Variants in TNNI3K observed in about 807,000 individuals in gnomAD.
The protein encoded by TNNI3K is serine/threonine-protein kinase TNNI3K.
A neutral mutation model predicts 114.5 loss-of-function variants in TNNI3K; 140 were observed. That is an observed-to-expected ratio of 1.22 (90% CI 1.07 to 1.41). TNNI3K has a LOEUF of 1.41. TNNI3K is among the 40% of genes most tolerant of loss of function. TNNI3K has a pLI of 0.00. For missense variants in TNNI3K, 1,125 were observed against 1,007.6 expected (o/e 1.12, Z -1.58); for synonymous variants, 347 against 347.5 (o/e 1.00, Z 0.02).
intron 5 of TNNI3K, among the ~76,000 whole-genome samples, chr1:74,322,769 T>G (rs1490157303): frequency 1.3e-5 from 2 of 152,094 alleles, no homozygotes; most frequent in Non-Finnish European, 2.9e-5. Context: ...ACCATCTTAA[T>G]ATATCTGAAA....
At chr1:74,325,943 C>T (rs544758029) in intron 5 of TNNI3K, among the ~76,000 whole-genome samples, 1 of 152,206 alleles carries the variant, frequency 6.6e-6, no homozygotes, top group South Asian at 2.1e-4. Flanking sequence ...GATTTTTCCA[C>T]TAAATGGAAA....
chr1:74,366,418 T>G (rs1031093712), intron 11 of TNNI3K, among the ~76,000 whole-genome samples: 1 of 152,026 alleles, frequency 6.6e-6, no homozygotes, highest in Non-Finnish European at 1.5e-5. Flanking sequence ...GCCCCTAGTG[T>G]AACTAGTAAA....
chr1:74,240,903 G>A (rs1037329470), intron 2 of TNNI3K: 1 of 151,620 alleles, frequency 6.6e-6, no homozygotes, highest in Non-Finnish European at 1.5e-5. Context: ...TTTAACATTA[G>A]GTATATCTCC....
At chr1:74,453,524 G>A (rs796600943) in intron 20 of TNNI3K, among the ~76,000 whole-genome samples, 12 of 152,176 alleles carry the variant, frequency 7.9e-5, no homozygotes, top group African/African-American at 2.9e-4. Flanking sequence ...GCATTATACA[G>A]GACTCATCCT....
At chr1:74,322,044 C>T (rs545709826) in intron 5 of TNNI3K, among the ~76,000 whole-genome samples, 16 of 152,244 alleles carry the variant, frequency 1.1e-4, no homozygotes, top group South Asian at 4.1e-4. Flanking sequence ...GGCGTGGTAA[C>T]TCTAAAGCAA....
At chr1:74,420,001 G>A (rs1157471133) in intron 17 of TNNI3K, among the ~76,000 whole-genome samples, 2 of 152,058 alleles carry the variant, frequency 1.3e-5, no homozygotes, top group Admixed American at 6.6e-5. Context: ...GATCTGAGGA[G>A]AGAATACATT....
At chr1:74,384,139 T>C (rs1408970718) in intron 17 of TNNI3K, among the ~76,000 whole-genome samples, 2 of 152,172 alleles carry the variant, frequency 1.3e-5, no homozygotes, top group African/African-American at 2.4e-5. Context: ...AGCTGTACTT[T>C]CTAGAATTCA....
At chr1:74,538,379 A>C (rs914044780) in intron 23 of TNNI3K, among the ~76,000 whole-genome samples, 2 of 152,100 alleles carry the variant, frequency 1.3e-5, no homozygotes, top group Non-Finnish European at 2.9e-5. Flanking sequence ...ATGTCATTTA[A>C]GGATCTATTA....
chr1:74,266,914 G>A (rs541792700), intron 4 of TNNI3K, among the ~76,000 whole-genome samples: 42 of 151,980 alleles, frequency 2.8e-4, no homozygotes, highest in South Asian at 2.3e-3. Flanking sequence ...TAGCTGGAGC[G>A]CTTTTTTGTC....
At chr1:74,503,378 A>T (rs1669732041) in intron 23 of TNNI3K, among the ~76,000 whole-genome samples, 1 of 152,232 alleles carries the variant, frequency 6.6e-6, no homozygotes, top group South Asian at 2.1e-4. Context: ...CTGATTTGAA[A>T]TATGATATCT....
intron 5 of TNNI3K, among the ~76,000 whole-genome samples, chr1:74,301,762 G>A (rs1658342942): frequency 6.6e-6 from 1 of 152,152 alleles, no homozygotes; most frequent in Non-Finnish European, 1.5e-5. Context: ...AAGGAGGGGT[G>A]CACTATTTCC....
intron 17 of TNNI3K, among the ~76,000 whole-genome samples, chr1:74,386,902 TTTAC>T (rs1663510714): frequency 6.6e-6 from 1 of 152,254 alleles, no homozygotes; most frequent in African/African-American, 2.4e-5. Context: ...TGGACAGTAG[TTTAC>T]TTACTTTGCT....
At chr1:74,529,922 A>T (rs902101374) in intron 23 of TNNI3K, among the ~76,000 whole-genome samples, 3 of 152,126 alleles carry the variant, frequency 2.0e-5, no homozygotes, top group Non-Finnish European at 4.4e-5. Flanking sequence ...TCCTTAGAGC[A>T]TGTCCTTTCT....
At chr1:74,505,864 A>G (rs1048729775) in intron 23 of TNNI3K, among the ~76,000 whole-genome samples, 21 of 152,236 alleles carry the variant, frequency 1.4e-4, no homozygotes, top group African/African-American at 1.9e-4. Flanking sequence ...TATTAGCTGA[A>G]CATTTTTTAT....
At chr1:74,434,730 G>A (rs1285502519) in intron 17 of TNNI3K, among the ~76,000 whole-genome samples, 3 of 151,874 alleles carry the variant, frequency 2.0e-5, no homozygotes, top group Non-Finnish European at 2.9e-5. Context: ...TGTTTTGTTT[G>A]ACATCCTGGA....
intron 17 of TNNI3K, among the ~76,000 whole-genome samples, chr1:74,410,730 G>A (rs1044071390): frequency 2.6e-5 from 4 of 152,176 alleles, no homozygotes; most frequent in Non-Finnish European, 5.9e-5. Flanking sequence ...AAGATGATGA[G>A]ATAACTGTGA....
chr1:74,280,703 T>C (rs7522179), intron 5 of TNNI3K, among the ~76,000 whole-genome samples: 255 of 152,264 alleles, frequency 1.7e-3, no homozygotes, highest in African/African-American at 5.8e-3. Flanking sequence ...AGCTCTACCA[T>C]TGGTTGACTA....
chr1:74,481,773 C>T (rs17095416), intron 21 of TNNI3K, among the ~76,000 whole-genome samples: 3,002 of 152,198 alleles, frequency 0.02, 100 homozygotes, highest in African/African-American at 0.068. Flanking sequence ...AATCAGGAGT[C>T]ATTGTAACAC....
At chr1:74,486,953 C>T (rs1021093348) in intron 21 of TNNI3K, among the ~76,000 whole-genome samples, 1 of 151,962 alleles carries the variant, frequency 6.6e-6, no homozygotes, top group African/African-American at 2.4e-5. Context: ...TCTTTGTAAC[C>T]TTGACAAGGG....
Sources: gnomAD v4.1 joint callset for allele counts (sites outside exome capture counted in the v4.1 genomes callset) on GRCh38, gnomAD v4.1.1 for gene constraint, MANE v1.5 for transcripts, NCBI Gene and HGNC (gene_info 2026-07-23, HGNC 2026-07-21) for gene names.